GLB1L2: variants seen among roughly 807,000 people sequenced by gnomAD.
The protein encoded by GLB1L2 is galactosidase beta 1 like 2.
GLB1L2 carries 68 observed loss-of-function variants against 84.1 expected under a neutral mutation model. The ratio of observed to expected loss-of-function variants is 0.81; its 90% CI spans 0.67 to 0.99. The LOEUF is 0.99. Ranked by LOEUF, GLB1L2 falls within the 50% of genes least tolerant of loss-of-function variation. The pLI, the probability that GLB1L2 is intolerant of heterozygous loss-of-function variation, is 0.00. For missense variants in GLB1L2, 762 were observed against 805.6 expected, an observed-to-expected ratio of 0.95 and a Z score of 0.66; for synonymous variants, 290 against 318.0, an observed-to-expected ratio of 0.91 and a Z score of 0.94.
chr11:134,351,855 C>CT (rs200203926), intron 5 of GLB1L2, among the ~76,000 whole-genome samples: 1,685 of 152,058 alleles, frequency 0.011, 15 homozygotes, highest in Middle Eastern at 0.027. Flanking sequence ...AAAGTGTCAA[C>CT]TTTTTTTGAC....
Position 134,338,315 on chromosome 11 carries a change from G to A in GLB1L2, c.87-4439G>A, listed in dbSNP as rs1413465211. The stretch of plus-strand genomic sequence containing the variant: ...GTGATGCAGGGATGCCCGCTGGCAT[G>A]GCAGGACGCATTTCAAGCCTGGCAC... On this transcript the variant is annotated intron_variant, in intron 1 of 18. Coordinates refer to ENST00000535456, the MANE Select transcript of GLB1L2 (RefSeq NM_001370461.1). This position sits in a 1 kb window ranked among gnomAD's most constrained non-coding sequence, Gnocchi z 6.2. Among the ~76,000 whole-genome samples, 1 of 152,188 alleles carries A rather than the reference G, an allele frequency of 6.6e-6. No homozygotes were observed. The highest frequency in any genetic ancestry group is 1.5e-5 in the Non-Finnish European group (1 of 68,038).
intron 1 of GLB1L2, among the ~76,000 whole-genome samples, chr11:134,341,213 C>G (rs1355414483): frequency 2.6e-5 from 4 of 152,170 alleles, no homozygotes; most frequent in African/African-American, 4.8e-5. Flanking sequence ...CAAACACATG[C>G]TACAATAAAT....
Position 134,332,091 on chromosome 11 carries a change from G to C in GLB1L2, c.30G>C (p.Pro10=). The C allele has an allele frequency of 4.4e-6, 7 of 1,588,506 alleles. No homozygotes were observed. The highest frequency in any genetic ancestry group is 6.0e-6 in the Non-Finnish European group (7 of 1,169,426). Reference sequence around the variant, plus strand: ...CCACGTGGAGCCTCCGGCGGAGGCCGGCCCGCACGCTGGGACTCCTGCTGC... The same window carrying C: ...CCACGTGGAGCCTCCGGCGGAGGCCCGCCCGCACGCTGGGACTCCTGCTGC... MTTWSLRRR[P]ARTLGLLLLV... is the part of the protein sequence containing the mutation. The change falls in exon 1 of 19, where the codon CCG becomes CCC. Residue 10 remains proline (P), a synonymous_variant. Coordinates refer to ENST00000535456, the MANE Select transcript of GLB1L2 (RefSeq NM_001370461.1).
intron 1 of GLB1L2, among the ~76,000 whole-genome samples, chr11:134,336,059 G>C (rs531984433): frequency 1.3e-5 from 2 of 152,248 alleles, no homozygotes; most frequent in South Asian, 4.2e-4. Flanking sequence ...ATGTCTCCTG[G>C]GATAGAAAGG....
At chr11:134,352,679 C>T (rs1349747702) in intron 5 of GLB1L2, among the ~76,000 whole-genome samples, 2 of 148,008 alleles carry the variant, frequency 1.4e-5, no homozygotes, top group African/African-American at 5.0e-5. Flanking sequence ...TGGAGTCTCG[C>T]TCTTGTCGCC....
chr11:134,356,178 A>G, intron 5 of GLB1L2, 123 bp from the exon 6 acceptor site: 2 of 781,384 alleles, frequency 2.6e-6, no homozygotes, highest in South Asian at 2.8e-5. Context: ...TATTGATACT[A>G]ATCTTTTGAG....
At position 134,370,360 on chromosome 11, in the gene GLB1L2, G is replaced by A; in HGVS notation, c.1176G>A (p.Leu392=). ...KMPYEPLTPV[L]YLSLWDALKY... is the part of the protein sequence containing the mutation. The stretch of plus-strand genomic sequence containing the variant: ...CGTATGAGCCCTTAACGCCAGTCTT[G>A]TACCTGTCTCTGTGGGACGCCCTCA... Residue 392 remains leucine, a synonymous_variant, in exon 12 of 19, where the codon TTG becomes TTA. Coordinates refer to ENST00000535456, the MANE Select transcript of GLB1L2 (RefSeq NM_001370461.1). The surrounding 1 kb of genome is among the most constrained non-coding windows in gnomAD (Gnocchi z 4.7). The A allele has an allele frequency of 2.5e-6, 4 of 1,613,974 alleles. No homozygotes were observed. Among genetic ancestry groups the A allele is most frequent in the Non-Finnish European group, 3.4e-6 (4 of 1,179,974 alleles).
intron 4 of GLB1L2, 24 bp downstream of exon 4, chr11:134,345,153 T>C: frequency 1.3e-6 from 2 of 1,568,322 alleles, no homozygotes; most frequent in Non-Finnish European, 1.7e-6. Context: ...TGAAGGGTCC[T>C]GTGTGCTGTG....
At chr11:134,361,099 C>G (rs909528950) in intron 7 of GLB1L2, 1 of 151,680 alleles carries the variant, frequency 6.6e-6, no homozygotes, top group Admixed American at 6.6e-5. Context: ...TGCAGTGAGC[C>G]GAGATTGCAC....
At chr11:134,355,525 A>G (rs1017210128) in intron 5 of GLB1L2, among the ~76,000 whole-genome samples, 2 of 152,124 alleles carry the variant, frequency 1.3e-5, no homozygotes, top group Non-Finnish European at 2.9e-5. Context: ...AAGACTTAAG[A>G]GCTGATATTT....
intron 5 of GLB1L2, among the ~76,000 whole-genome samples, chr11:134,354,560 G>A (rs1452777364): frequency 1.3e-5 from 2 of 151,452 alleles, no homozygotes; most frequent in Non-Finnish European, 2.9e-5. Context: ...AAGGTCTAGT[G>A]GTAATGAACT....
intron 1 of GLB1L2, among the ~76,000 whole-genome samples, chr11:134,342,343 G>A (rs1361380956): frequency 2.0e-5 from 3 of 152,164 alleles, no homozygotes; most frequent in African/African-American, 7.2e-5. Context: ...GCGGTCGGGC[G>A]GCTGCGACCG....
chr11:134,364,305 C>T (rs778505587), intron 7 of GLB1L2, 23 bp from the exon 8 acceptor site: 2 of 1,599,040 alleles, frequency 1.3e-6, no homozygotes, highest in Admixed American at 1.7e-5. Context: ...CTTTGTCTCT[C>T]TCTCTCCTCT....
At chr11:134,341,808 C>T (rs1395491035) in intron 1 of GLB1L2, among the ~76,000 whole-genome samples, 1 of 152,226 alleles carries the variant, frequency 6.6e-6, no homozygotes, top group African/African-American at 2.4e-5. Flanking sequence ...TCTGGGCCCT[C>T]TCGCTTGTTC....
intron 7 of GLB1L2, chr11:134,361,151 A>AG (rs1491429121): frequency 1.7e-5 from 1 of 58,548 alleles, no homozygotes; most frequent in African/African-American, 3.9e-5. Flanking sequence ...ACTCCGTCTC[A>AG]AAAAAAAAAC....
At chr11:134,360,534 TG>T (rs1943769193) in intron 7 of GLB1L2, 1 of 151,942 alleles carries the variant, frequency 6.6e-6, no homozygotes, top group Non-Finnish European at 1.5e-5. Flanking sequence ...TTTTAGCGCT[TG>T]GCGGCCTCCC....
intron 1 of GLB1L2, among the ~76,000 whole-genome samples, chr11:134,341,196 T>C (rs755286832): frequency 6.6e-6 from 1 of 152,354 alleles, no homozygotes; most frequent in African/African-American, 2.4e-5. Flanking sequence ...CATAACTCTC[T>C]AATACGCAAA....
chr11:134,339,483 A>T lies in GLB1L2; in HGVS notation c.87-3271A>T, dbSNP rs1943433442. ...CCATCCCTTTTAATAAGGTATTGAC[A>T]ACTTCTCTAGTAACCTACCAGAAAA... On this transcript the variant is annotated intron_variant, in intron 1 of 18. Transcript: ENST00000535456. This position sits in a 1 kb window ranked among gnomAD's most constrained non-coding sequence, Gnocchi z 5.7. 1.3e-5 allele frequency among the ~76,000 whole-genome samples: 2 copies of T among 152,162 alleles called. No homozygotes were observed. Among genetic ancestry groups the T allele is most frequent in the South Asian group, 4.1e-4 (2 of 4,828 alleles).
intron 5 of GLB1L2, among the ~76,000 whole-genome samples, chr11:134,355,415 G>A (rs979013771): frequency 6.6e-6 from 1 of 151,936 alleles, no homozygotes; most frequent in Non-Finnish European, 1.5e-5. Context: ...GTTGAACATT[G>A]GGCTTTTGAA....
Sources: gnomAD v4.1 joint callset for allele counts (sites outside exome capture counted in the v4.1 genomes callset) on GRCh38, gnomAD v4.1.1 for gene constraint, Gnocchi (gnomAD v3.1) non-coding constraint, MANE v1.5 for transcripts, NCBI Gene and HGNC (gene_info 2026-07-23, HGNC 2026-07-21) for gene names.